Variants in FAT3 observed in about 807,000 individuals in gnomAD.
The protein encoded by FAT3 is FAT atypical cadherin 3, also known as protocadherin Fat 3.
Under a neutral mutation model 310.2 loss-of-function variants are expected in FAT3, and 95 were observed. That is an observed-to-expected ratio of 0.31 (90% CI 0.26 to 0.36). The LOEUF is 0.36. FAT3 is among the 10% of genes least tolerant of loss of function. FAT3 has a pLI of 1.00. For missense variants in FAT3, 5,408 were observed against 5,715.6 expected (o/e 0.95, Z 1.74); for synonymous variants, 2,314 against 2,192.9 (o/e 1.06, Z -1.54).
chr11:92,404,336 C>CT (rs1950092076), intron 2 of FAT3, among the ~76,000 whole-genome samples: 1 of 151,984 alleles, frequency 6.6e-6, no homozygotes, highest in Non-Finnish European at 1.5e-5. Context: ...ATGCTGGGTA[C>CT]AGGATAGCCA....
In FAT3 at chr11:92,412,732, TATATATATATATAAATATAC is replaced by T. The variant is rs1276090303; in HGVS notation, c.3292+57332_3292+57351del. On this transcript the variant is annotated intron_variant, in intron 2 of 27. Coordinates refer to ENST00000525166, the MANE Select transcript of FAT3 (RefSeq NM_001367949.2). The stretch of plus-strand genomic sequence containing the variant: ...ATATATATATATATATATATATATA[TATATATATATATAAATATAC>T]ATACATATATATATATTTAATGTAA... 1.8e-3 allele frequency among the ~76,000 whole-genome samples: 32 copies of T among 17,950 alleles called. 2 individuals carry two copies. The highest frequency in any genetic ancestry group is 3.1e-3 in the African/African-American group (29 of 9,486). The allele number at this position is 17,950 out of a possible 152,430, so 11.8% of individuals were successfully genotyped here. A position where few individuals can be genotyped will look rare whatever the true frequency, so the allele number is the denominator to read the frequency against.
chr11:92,819,367 G>A (rs910423205), intron 13 of FAT3, among the ~76,000 whole-genome samples: 2 of 152,220 alleles, frequency 1.3e-5, no homozygotes, highest in Admixed American at 6.5e-5. Context: ...CCTCGAGGGT[G>A]TATTTGAACA....
chr11:92,776,985 G>A (rs1183605652), intron 7 of FAT3, among the ~76,000 whole-genome samples: 1 of 152,168 alleles, frequency 6.6e-6, no homozygotes, highest in African/African-American at 2.4e-5. Flanking sequence ...CTCTGAATTA[G>A]TCAGCACCCT....
chr11:92,866,416 G>A (rs1244889308), intron 21 of FAT3, among the ~76,000 whole-genome samples: 1 of 152,146 alleles, frequency 6.6e-6, no homozygotes, highest in Non-Finnish European at 1.5e-5. Flanking sequence ...AGAATAAACA[G>A]ACCCCTAAAC....
chr11:92,315,277 TACTC>T (rs938920597), intron 1 of FAT3, among the ~76,000 whole-genome samples: 1 of 150,082 alleles, frequency 6.7e-6, no homozygotes, highest in African/African-American at 2.5e-5. Context: ...AAATTATTCA[TACTC>T]ACTCTATGGT....
intron 1 of FAT3, among the ~76,000 whole-genome samples, chr11:92,326,984 A>T (rs1280907263): frequency 6.6e-6 from 1 of 152,198 alleles, no homozygotes; most frequent in East Asian, 1.9e-4. Context: ...GGCAACTTGA[A>T]GTTTCCTTTC....
chr11:92,607,743 G>A (rs1018257746), intron 3 of FAT3, among the ~76,000 whole-genome samples: 3 of 152,080 alleles, frequency 2.0e-5, no homozygotes, highest in Non-Finnish European at 4.4e-5. Flanking sequence ...CTTTCCACAT[G>A]AGTCACATTA....
In FAT3 at chr11:92,446,702, G is replaced by T. The variant is rs140871574; in HGVS notation, c.3293-77932G>T. ...AATACATGTTTCCACGCATTAAATT[G>T]TAAAGATATCTATATGCCTATAGGC... On this transcript the variant is annotated intron_variant, in intron 2 of 27. Coordinates refer to ENST00000525166, the MANE Select transcript of FAT3 (RefSeq NM_001367949.2). 3.1e-4 allele frequency among the ~76,000 whole-genome samples: 47 copies of T among 152,226 alleles called. 1 individual carries two copies. In the Middle Eastern group the frequency reaches 0.014, roughly 44 times the overall value.
At chr11:92,839,296 G>A (rs189384836) in intron 17 of FAT3, among the ~76,000 whole-genome samples, 46 of 152,314 alleles carry the variant, frequency 3.0e-4, no homozygotes, top group Admixed American at 2.9e-3. Context: ...TGCTGACCCT[G>A]AGGGCCACAT....
At chr11:92,367,896 A>G (rs1217265935) in intron 2 of FAT3, among the ~76,000 whole-genome samples, 2 of 152,234 alleles carry the variant, frequency 1.3e-5, no homozygotes, top group Admixed American at 1.3e-4. Context: ...GCCTAATCCC[A>G]GAAATGAATC....
Position 92,800,929 on chromosome 11 carries a change from T to C in FAT3, c.7916T>C (p.Leu2639Pro), listed in dbSNP as rs1366859777. The C allele has an allele frequency of 6.2e-7, 1 of 1,612,464 alleles. No individual in the cohort carries two copies. Among genetic ancestry groups the C allele is most frequent in the Non-Finnish European group, 8.5e-7 (1 of 1,179,306 alleles). The change falls in exon 10 of 28, where the codon CTC becomes CCC. Residue 2639 changes from leucine (L) to proline (P), a missense_variant. Transcript: ENST00000525166. ...GCAAATTCAAGGATTACTTATTCCC[T>C]CTATAGCGAGGCCTCTGTTTCAGTG... ...DGANSRITYS[L>P]YSEASVSVAD...
rs1396592748 is a variant in FAT3, at chr11:92,831,613, C to T, written c.9482-9C>T. ...CTTGCCCACTCATTTTCCTGTGTCTCTCCCACAGGCATCAATAGGAAGGTC... is the reference window on the plus strand; with the variant it reads ...CTTGCCCACTCATTTTCCTGTGTCTTTCCCACAGGCATCAATAGGAAGGTC... On this transcript the variant is annotated splice_polypyrimidine_tract_variant and intron_variant, in intron 13 of 27. Transcript: ENST00000525166. 6.2e-7 allele frequency: 1 copy of T among 1,604,904 alleles called. No homozygotes were observed. The highest frequency in any genetic ancestry group is 8.5e-7 in the Non-Finnish European group (1 of 1,176,090).
chr11:92,274,059 T>G (rs1345047937), intron 1 of FAT3, among the ~76,000 whole-genome samples: 1 of 152,112 alleles, frequency 6.6e-6, no homozygotes, highest in African/African-American at 2.4e-5. Flanking sequence ...TTCCTCAGCT[T>G]CCTTATTAAA....
intron 7 of FAT3, among the ~76,000 whole-genome samples, chr11:92,781,004 T>C (rs925728967): frequency 1.3e-5 from 2 of 152,006 alleles, no homozygotes; most frequent in African/African-American, 4.8e-5. Flanking sequence ...AAATACATAG[T>C]AATATATGAT....
chr11:92,750,096 T>C (rs1236020626), intron 4 of FAT3, among the ~76,000 whole-genome samples: 1 of 152,222 alleles, frequency 6.6e-6, no homozygotes, highest in Non-Finnish European at 1.5e-5. Context: ...ATTGGAAGCC[T>C]TCTTGCTGCG....
At chr11:92,493,616 T>C (rs549034294) in intron 2 of FAT3, among the ~76,000 whole-genome samples, 31 of 152,210 alleles carry the variant, frequency 2.0e-4, no homozygotes, top group African/African-American at 7.0e-4. Context: ...ATGTGTCACA[T>C]AGCACTTGTA....
In FAT3 at chr11:92,806,508, A is replaced by T; in HGVS notation, c.9240A>T (p.Pro3080=). 6.5e-7 allele frequency: 1 copy of T among 1,542,520 alleles called. No individual in the cohort carries two copies. The highest frequency in any genetic ancestry group is 1.4e-5 in the African/African-American group (1 of 73,452). ...GSGNSEFFLD[P]ESGELKTLAL... The stretch of plus-strand genomic sequence containing the variant: ...GAAACAGTGAATTTTTTCTAGATCC[A>T]GAAAGTGGTAAGCTAAAATTTATTA... Residue 3080 remains proline (P), a synonymous_variant, in exon 12 of 28, where the codon CCA becomes CCT. Transcript: ENST00000525166.
At chr11:92,391,621 A>T (rs1277202709) in intron 2 of FAT3, among the ~76,000 whole-genome samples, 1 of 152,124 alleles carries the variant, frequency 6.6e-6, no homozygotes, top group Non-Finnish European at 1.5e-5. Flanking sequence ...TATTATTTGT[A>T]TGTAGTTTGC....
intron 2 of FAT3, among the ~76,000 whole-genome samples, chr11:92,390,261 G>C (rs1949719322): frequency 6.6e-6 from 1 of 152,072 alleles, no homozygotes; most frequent in Non-Finnish European, 1.5e-5. Flanking sequence ...GGATCCTTAG[G>C]CTGGTAGAAA....
Sources: allele counts gnomAD v4.1 joint callset (sites outside exome capture counted in the v4.1 genomes callset), GRCh38; gene constraint gnomAD v4.1.1; transcripts MANE v1.5; gene names NCBI Gene and HGNC (gene_info 2026-07-23, HGNC 2026-07-21).